The following CCSER1 variants were observed in gnomAD, a reference collection of about 807,000 sequenced individuals.
CCSER1 encodes serine-rich coiled-coil domain-containing protein 1.
In CCSER1, 41 loss-of-function variants were observed where a neutral mutation model predicts 82.0. That is an observed-to-expected ratio of 0.50 (90% CI 0.39 to 0.65). The LOEUF (loss-of-function observed/expected upper bound fraction) is 0.65, where lower values mean the gene tolerates loss of function less well. CCSER1 is among the 30% of genes least tolerant of loss of function. The pLI, the probability that CCSER1 is intolerant of heterozygous loss-of-function variation, is 0.00. For synonymous variants in CCSER1, 414 were observed against 383.9 expected (o/e 1.08, Z -0.92); for missense variants, 1,119 against 1,064.2 (o/e 1.05, Z -0.72).
Position 90,312,916 on chromosome 4 carries a change from C to T in CCSER1, c.1378C>T (p.Leu460=). The change falls in exon 3 of 11, where the codon CTG becomes TTG. Residue 460 remains leucine, a synonymous_variant. Coordinates refer to ENST00000509176, the MANE Select transcript of CCSER1 (RefSeq NM_001145065.2). ...FREGRFIERR[L]RSSSEGTAGS... Reference sequence around the variant, plus strand: ...TGAAGGAAGATTTATAGAGAGGAGACTGCGATCCTCGTCAGAAGGCACTGC... The same window carrying T: ...TGAAGGAAGATTTATAGAGAGGAGATTGCGATCCTCGTCAGAAGGCACTGC... 6.3e-7 allele frequency: 1 copy of T among 1,584,772 alleles called. No homozygotes were observed. Among genetic ancestry groups the T allele is most frequent in the Non-Finnish European group, 8.6e-7 (1 of 1,164,006 alleles).
At chr4:90,158,939 T>A (rs1450209063) in intron 1 of CCSER1, among the ~76,000 whole-genome samples, 2 of 152,038 alleles carry the variant, frequency 1.3e-5, no homozygotes, top group Admixed American at 1.3e-4. Context: ...GTACCTCAGA[T>A]GGAAATGCAG....
intron 9 of CCSER1, among the ~76,000 whole-genome samples, chr4:91,056,472 A>G (rs1320402080): frequency 6.6e-6 from 1 of 152,104 alleles, no homozygotes; most frequent in South Asian, 2.1e-4. Context: ...CCAAAGAGGG[A>G]AGGGCAAAAG....
At chr4:91,549,110 A>G (rs1226919615) in intron 10 of CCSER1, among the ~76,000 whole-genome samples, 1 of 151,980 alleles carries the variant, frequency 6.6e-6, no homozygotes, top group African/African-American at 2.4e-5. Context: ...TCCTATTCAC[A>G]TGCTCAGAGA....
intron 8 of CCSER1, among the ~76,000 whole-genome samples, chr4:90,862,881 C>A (rs1765263396): frequency 6.7e-6 from 1 of 148,944 alleles, no homozygotes; most frequent in Non-Finnish European, 1.5e-5. Flanking sequence ...TACAGAAGCA[C>A]ACTACAGGAG....
At position 91,287,862 on chromosome 4, in the gene CCSER1, T is replaced by A. The variant is rs1743405681; in HGVS notation, c.2217+201868T>A. Among the ~76,000 whole-genome samples the A allele has an allele frequency of 2.0e-5, 3 of 151,770 alleles. No homozygotes were observed. In the South Asian group the frequency reaches 6.2e-4, roughly 31 times the overall value. On this transcript the variant is annotated intron_variant, in intron 10 of 10. Transcript: ENST00000509176. ...AGGAAAAATGCAATATGTGTTATAATCCTGTGGAAGGCAAATTCTGAATAT... is the reference window on the plus strand; with the variant it reads ...AGGAAAAATGCAATATGTGTTATAAACCTGTGGAAGGCAAATTCTGAATAT...
At chr4:90,915,640 A>G (rs969561621) in intron 8 of CCSER1, among the ~76,000 whole-genome samples, 3 of 152,166 alleles carry the variant, frequency 2.0e-5, no homozygotes, top group Admixed American at 2.0e-4. Context: ...CTCCTATTCA[A>G]CATAGTGTTG....
intron 10 of CCSER1, among the ~76,000 whole-genome samples, chr4:91,411,992 G>C (rs986825654): frequency 6.6e-6 from 1 of 152,086 alleles, no homozygotes; most frequent in Non-Finnish European, 1.5e-5. Flanking sequence ...CAAGAAGCAG[G>C]GTTAGGAGGT....
chr4:91,238,974 C>T (rs1739237978), intron 10 of CCSER1, among the ~76,000 whole-genome samples: 1 of 152,062 alleles, frequency 6.6e-6, no homozygotes, highest in South Asian at 2.1e-4. Context: ...CAGGTGCCCA[C>T]CACCGTGCCT....
chr4:90,905,685 G>T (rs62312305), intron 8 of CCSER1, among the ~76,000 whole-genome samples: 1 of 152,000 alleles, frequency 6.6e-6, no homozygotes, highest in Non-Finnish European at 1.5e-5. Context: ...GTGAAATAGC[G>T]AGAACAATGA....
At chr4:91,078,076 C>T (rs778278395) in intron 9 of CCSER1, among the ~76,000 whole-genome samples, 11 of 152,208 alleles carry the variant, frequency 7.2e-5, no homozygotes, top group African/African-American at 1.7e-4. Context: ...CCCTGTCTGG[C>T]GGCTTTGAAG....
chr4:90,613,748 G>C (rs935724347), intron 5 of CCSER1, among the ~76,000 whole-genome samples: 1 of 152,142 alleles, frequency 6.6e-6, no homozygotes, highest in African/African-American at 2.4e-5. Context: ...TAAAGGAACT[G>C]TTAACAAAGG....
chr4:91,230,587 A>G (rs773631918), intron 10 of CCSER1, among the ~76,000 whole-genome samples: 3 of 152,070 alleles, frequency 2.0e-5, no homozygotes, highest in Non-Finnish European at 2.9e-5. Context: ...CATAATATAT[A>G]CATGATTTGT....
intron 1 of CCSER1, among the ~76,000 whole-genome samples, chr4:90,228,554 C>T (rs7662171): frequency 1.3e-5 from 2 of 152,046 alleles, no homozygotes; most frequent in South Asian, 4.1e-4. Flanking sequence ...AACTCTAAAA[C>T]GCAGAGCGCC....
intron 10 of CCSER1, among the ~76,000 whole-genome samples, chr4:91,134,502 G>A (rs754218824): frequency 2.6e-4 from 40 of 152,024 alleles, no homozygotes; most frequent in Admixed American, 6.5e-5. Context: ...TTAAATACTG[G>A]CAATAACAAA....
At chr4:90,842,958 G>GAA (rs1406854269) in intron 8 of CCSER1, among the ~76,000 whole-genome samples, 1 of 152,116 alleles carries the variant, frequency 6.6e-6, no homozygotes, top group Non-Finnish European at 1.5e-5. Flanking sequence ...TTAGAACTAT[G>GAA]AAATTGCTTT....
At chr4:90,665,384 T>G (rs112674419) in intron 6 of CCSER1, among the ~76,000 whole-genome samples, 46 of 151,502 alleles carry the variant, frequency 3.0e-4, no homozygotes, top group South Asian at 1.5e-3. Flanking sequence ...TGCAGTGGCG[T>G]GATCTCGGCT....
At chr4:91,183,900 A>T (rs1470540993) in intron 10 of CCSER1, among the ~76,000 whole-genome samples, 1 of 152,230 alleles carries the variant, frequency 6.6e-6, no homozygotes, top group Non-Finnish European at 1.5e-5. Flanking sequence ...ATAGGCAGGA[A>T]TGCCTAGAGC....
chr4:90,605,496 A>G (rs1207712605), intron 5 of CCSER1, among the ~76,000 whole-genome samples: 3 of 152,248 alleles, frequency 2.0e-5, no homozygotes, highest in Admixed American at 6.5e-5. Context: ...AAACAAAAAT[A>G]TAGACTAGAA....
rs377025836 is a variant in CCSER1, at chr4:91,222,033, ATGT to A, written c.2217+136044_2217+136046del. Reference sequence around the variant, plus strand: ...TTCTATGAAGAAAATATGCACAATAATGTTGTTACAAAGAAAAGGAGGAAAAAT... The same window carrying A: ...TTCTATGAAGAAAATATGCACAATAATGTTACAAAGAAAAGGAGGAAAAAT... On this transcript the variant is annotated intron_variant, in intron 10 of 10. Coordinates refer to ENST00000509176, the MANE Select transcript of CCSER1 (RefSeq NM_001145065.2). Among the ~76,000 whole-genome samples, 166 of 152,062 alleles carry A rather than the reference ATGT, an allele frequency of 1.1e-3. 5 individuals are homozygous for A. The highest frequency in any genetic ancestry group is 3.9e-3 in the East Asian group (20 of 5,176).
Sources: gnomAD v4.1 joint callset for allele counts (sites outside exome capture counted in the v4.1 genomes callset) on GRCh38, gnomAD v4.1.1 for gene constraint, MANE v1.5 for transcripts, NCBI Gene and HGNC (gene_info 2026-07-23, HGNC 2026-07-21) for gene names.